NCOA1: variants seen among roughly 807,000 people sequenced by gnomAD.
NCOA1 encodes the protein nuclear receptor coactivator 1.
Under a neutral mutation model 150.9 loss-of-function variants are expected in NCOA1, and 35 were observed. That is an observed-to-expected ratio of 0.23 (90% CI 0.18 to 0.31). NCOA1 has a LOEUF of 0.31. NCOA1 is among the 10% of genes least tolerant of loss of function. The pLI, the probability that NCOA1 is intolerant of heterozygous loss-of-function variation, is 1.00. For missense variants in NCOA1, 1,491 were observed against 1,749.3 expected, an observed-to-expected ratio of 0.85 and a Z score of 2.63; for synonymous variants, 590 against 630.0, an observed-to-expected ratio of 0.94 and a Z score of 0.95.
rs867593594 is a variant in NCOA1 at position 24,639,942 on chromosome 2, A to G, written c.-174-4024A>G. Among the ~76,000 whole-genome samples, 211 of 39,004 alleles carry G rather than the reference A, an allele frequency of 5.4e-3. 23 individuals carry two copies. The highest frequency in any genetic ancestry group is 0.012 in the Middle Eastern group (1 of 82). The allele number at this position is 39,004 out of a possible 152,430, so 25.6% of individuals were successfully genotyped here. ...TATATATATATATATATATATATAT[A>G]TATATATATATATATATATATATAT... On this transcript the variant is annotated intron_variant, in intron 3 of 22. Coordinates refer to ENST00000348332, the MANE Select transcript of NCOA1 (RefSeq NM_003743.5).
At chr2:24,733,591 A>G (rs979225883) in intron 17 of NCOA1, among the ~76,000 whole-genome samples, 1 of 152,062 alleles carries the variant, frequency 6.6e-6, no homozygotes, top group Non-Finnish European at 1.5e-5. Flanking sequence ...TAAAAATACA[A>G]AAGTTAGCTG....
chr2:24,650,780 T>C (rs933838103), intron 4 of NCOA1, among the ~76,000 whole-genome samples: 5 of 152,172 alleles, frequency 3.3e-5, no homozygotes, highest in Admixed American at 3.3e-4. Context: ...ATCTACCAGC[T>C]ATTAGGATAG....
intron 3 of NCOA1, among the ~76,000 whole-genome samples, chr2:24,611,528 T>C (rs1353210058): frequency 6.6e-6 from 1 of 152,226 alleles, no homozygotes; most frequent in African/African-American, 2.4e-5. Flanking sequence ...CCATACCGTT[T>C]CCCATAGTGG....
chr2:24,733,953 G>A (rs1374532578), intron 17 of NCOA1, among the ~76,000 whole-genome samples: 1 of 152,152 alleles, frequency 6.6e-6, no homozygotes, highest in African/African-American at 2.4e-5. Context: ...GGGAGGCCGA[G>A]GTGGGCGGAT....
At chr2:24,514,245 C>G (rs1488174668) in intron 1 of NCOA1, among the ~76,000 whole-genome samples, 5 of 129,312 alleles carry the variant, frequency 3.9e-5, no homozygotes, top group Non-Finnish European at 7.8e-5. Flanking sequence ...GAGATCACGC[C>G]ACTGCACTCC....
intron 1 of NCOA1, among the ~76,000 whole-genome samples, chr2:24,499,592 A>G (rs1290435052): frequency 6.6e-6 from 1 of 152,002 alleles, no homozygotes; most frequent in Non-Finnish European, 1.5e-5. Context: ...ATTTTTTAAG[A>G]TGATGCAGTG....
chr2:24,711,667 G>A (rs1673755207), intron 14 of NCOA1, among the ~76,000 whole-genome samples: 1 of 152,214 alleles, frequency 6.6e-6, no homozygotes, highest in Non-Finnish European at 1.5e-5. Flanking sequence ...CACAGAATGA[G>A]TTTTCCATGA....
chr2:24,647,517 A>T (rs917441141), intron 4 of NCOA1, among the ~76,000 whole-genome samples: 1 of 152,202 alleles, frequency 6.6e-6, no homozygotes, highest in Non-Finnish European at 1.5e-5. Context: ...TAAATCTTAC[A>T]TAAGTGTTAG....
intron 1 of NCOA1, among the ~76,000 whole-genome samples, chr2:24,544,374 A>G (rs1665521820): frequency 6.6e-6 from 1 of 152,170 alleles, no homozygotes; most frequent in African/African-American, 2.4e-5. Flanking sequence ...GTGGATATGA[A>G]AGATAACTCA....
intron 14 of NCOA1, chr2:24,711,564 G>A (rs55852859): frequency 0.053 from 8,117 of 152,332 alleles, 309 homozygotes; most frequent in Middle Eastern, 0.17. Context: ...GAGAAGCCTT[G>A]TATTAAAGAA....
chr2:24,734,602 C>G (rs529643535), intron 17 of NCOA1, among the ~76,000 whole-genome samples: 1 of 152,142 alleles, frequency 6.6e-6, no homozygotes, highest in East Asian at 1.9e-4. Context: ...TGAGACTAGC[C>G]TGGGCAACAT....
intron 3 of NCOA1, among the ~76,000 whole-genome samples, chr2:24,615,953 T>G (rs185886546): frequency 6.6e-6 from 1 of 152,306 alleles, no homozygotes; most frequent in African/African-American, 2.4e-5. Context: ...TAGGAAACTT[T>G]TATAAGGACA....
chr2:24,514,453 TAAAA>T (rs1664077926), intron 1 of NCOA1, among the ~76,000 whole-genome samples: 1 of 151,876 alleles, frequency 6.6e-6, no homozygotes, highest in African/African-American at 2.4e-5. Context: ...AATTGTGACT[TAAAA>T]TAAATATTAT....
Position 24,491,277 on chromosome 2 carries a change from A to G in NCOA1, c.-721A>G, listed in dbSNP as rs1423807255. 7.0e-6 allele frequency among the ~76,000 whole-genome samples: 1 copy of G among 143,812 alleles called. No individual in the cohort carries two copies. The highest frequency in any genetic ancestry group is 1.5e-5 in the Non-Finnish European group (1 of 65,282). 94.3% of individuals were successfully genotyped at this position (143,812 alleles called of 152,430 possible). ...GCGGCGGCGGTGGCGGCCGAGGAGG[A>G]GAACATGGCGGCCGCGGAGAGCGGC... On this transcript the variant is annotated 5_prime_UTR_variant, in exon 1 of 23. Transcript: ENST00000348332.
chr2:24,518,085 C>G (rs1664277114), intron 1 of NCOA1, among the ~76,000 whole-genome samples: 1 of 151,848 alleles, frequency 6.6e-6, no homozygotes, highest in Non-Finnish European at 1.5e-5. Flanking sequence ...TTTTAAAAGT[C>G]CTAACAAAAT....
chr2:24,695,876 C>G (rs980124129), intron 10 of NCOA1, among the ~76,000 whole-genome samples: 2 of 152,170 alleles, frequency 1.3e-5, no homozygotes, highest in Non-Finnish European at 2.9e-5. Flanking sequence ...CTCTCATGCT[C>G]TCTGGTGGGG....
chr2:24,532,507 T>G (rs1484893892), intron 1 of NCOA1, among the ~76,000 whole-genome samples: 2 of 152,222 alleles, frequency 1.3e-5, no homozygotes, highest in African/African-American at 4.8e-5. Context: ...TTTTGGTGTT[T>G]TAGACATGAA....
intron 7 of NCOA1, among the ~76,000 whole-genome samples, chr2:24,674,151 G>GTGTGTGTGTA (rs141963010): frequency 0.026 from 3,752 of 145,072 alleles, 105 homozygotes; most frequent in East Asian, 0.16. Context: ...GTGTGTGTGT[G>GTGTGTGTGTA]TATATATTTC....
Position 24,770,653 on chromosome 2 carries a change from C to T in NCOA1, c.*2262C>T, listed in dbSNP as rs1272977332. On this transcript the variant is annotated 3_prime_UTR_variant, in exon 23 of 23. Coordinates refer to ENST00000348332, the MANE Select transcript of NCOA1 (RefSeq NM_003743.5). Reference sequence around the variant, plus strand: ...GTACATCTGCAGAAATTGCCAAAGCCCAAATTAACGAGTATTATAAAAGGA... The same window carrying T: ...GTACATCTGCAGAAATTGCCAAAGCTCAAATTAACGAGTATTATAAAAGGA... 1 of 197,044 alleles carries T rather than the reference C, an allele frequency of 5.1e-6. No individual in the cohort carries two copies. Among genetic ancestry groups the T allele is most frequent in the Non-Finnish European group, 1.1e-5 (1 of 95,148 alleles). 12.2% of individuals were successfully genotyped at this position (197,044 alleles called of 1,614,324 possible).
Sources: allele counts gnomAD v4.1 joint callset (sites outside exome capture counted in the v4.1 genomes callset), GRCh38; gene constraint gnomAD v4.1.1; transcripts MANE v1.5; gene names NCBI Gene and HGNC (gene_info 2026-07-23, HGNC 2026-07-21).